The following GPHN variants were observed in gnomAD, a reference collection of about 807,000 sequenced individuals.
GPHN encodes the protein gephyrin.
In GPHN, 17 loss-of-function variants were observed where a neutral mutation model predicts 95.5. The ratio of observed to expected loss-of-function variants is 0.18; its 90% CI spans 0.12 to 0.27. GPHN has a LOEUF of 0.27. Ranked by LOEUF, GPHN falls within the 10% of genes least tolerant of loss-of-function variation. GPHN has a pLI of 1.00. For missense variants in GPHN, 660 were observed against 978.1 expected (o/e 0.67, Z 4.34); for synonymous variants, 320 against 322.5 (o/e 0.99, Z 0.08).
the GPHN span, chr14:67,338,596 T>G: frequency 6.2e-7 from 1 of 1,605,082 alleles, no homozygotes; most frequent in Non-Finnish European, 8.5e-7. Flanking sequence ...TGTTAGGGTT[T>G]CTCAAAGAAC....
the GPHN span, among the ~76,000 whole-genome samples, chr14:67,724,284 T>C: frequency 6.6e-6 from 1 of 152,288 alleles, no homozygotes; most frequent in East Asian, 1.9e-4. Flanking sequence ...CCTGCACCGA[T>C]AAACAGGCGA....
At chr14:66,567,278 G>T (rs756858593) in intron 1 of GPHN, among the ~76,000 whole-genome samples, 1 of 152,146 alleles carries the variant, frequency 6.6e-6, no homozygotes, top group African/African-American at 2.4e-5. Flanking sequence ...TTTTAGCAGC[G>T]TAGGGGACTT....
At chr14:67,145,268 T>C (rs1334716030) in intron 18 of GPHN, among the ~76,000 whole-genome samples, 3 of 152,222 alleles carry the variant, frequency 2.0e-5, no homozygotes, top group African/African-American at 7.2e-5. Flanking sequence ...CGTTTATCTT[T>C]TCTAGTACTC....
intron 9 of GPHN, among the ~76,000 whole-genome samples, chr14:67,003,778 T>G (rs1358546623): frequency 6.6e-6 from 1 of 151,752 alleles, no homozygotes; most frequent in Non-Finnish European, 1.5e-5. Context: ...ATGATGATAT[T>G]TCTGAATGAT....
chr14:66,555,962 C>T (rs1038630808), intron 1 of GPHN, among the ~76,000 whole-genome samples: 1 of 152,080 alleles, frequency 6.6e-6, no homozygotes, highest in African/African-American at 2.4e-5. Context: ...ATAGAATGTA[C>T]TTACACAAAC....
At chr14:66,592,794 A>G (rs923939350) in intron 1 of GPHN, among the ~76,000 whole-genome samples, 14 of 152,228 alleles carry the variant, frequency 9.2e-5, no homozygotes, top group African/African-American at 3.1e-4. Flanking sequence ...CAGTCCCATT[A>G]CTGGGTATAT....
At chr14:67,041,556 T>A (rs2074706636) in intron 10 of GPHN, among the ~76,000 whole-genome samples, 1 of 152,198 alleles carries the variant, frequency 6.6e-6, no homozygotes, top group Non-Finnish European at 1.5e-5. Context: ...CTCATCCATT[T>A]TTATGGCTGT....
chr14:67,509,550 C>T, the GPHN span, among the ~76,000 whole-genome samples: 1 of 152,160 alleles, frequency 6.6e-6, no homozygotes, highest in African/African-American at 2.4e-5. Flanking sequence ...AACTCCTGAC[C>T]TCAGGTGATC....
intron 11 of GPHN, among the ~76,000 whole-genome samples, chr14:67,077,300 A>T (rs1156340221): frequency 6.6e-6 from 1 of 152,152 alleles, no homozygotes; most frequent in African/African-American, 2.4e-5. Flanking sequence ...GTGTTAGATG[A>T]TTCTGCCCAA....
chr14:66,541,476 G>A (rs1290736348), intron 1 of GPHN, among the ~76,000 whole-genome samples: 1 of 152,164 alleles, frequency 6.6e-6, no homozygotes, highest in Non-Finnish European at 1.5e-5. Context: ...GGGTTAACTA[G>A]ACTCCCTGTT....
chr14:66,746,299 A>G (rs1351545108), intron 2 of GPHN, among the ~76,000 whole-genome samples: 2 of 152,238 alleles, frequency 1.3e-5, no homozygotes, highest in South Asian at 4.1e-4. Context: ...GGCTCAATCA[A>G]TTGTCTTATC....
At chr14:67,100,833 C>T (rs764452920) in intron 12 of GPHN, 23 bp from the exon 13 acceptor site, 2 of 1,555,090 alleles carry the variant, frequency 1.3e-6, no homozygotes, top group Non-Finnish European at 1.8e-6. Flanking sequence ...GATGTTTGTT[C>T]TTGGCTCTGT....
At chr14:67,124,637 A>G (rs771556578) in intron 17 of GPHN, among the ~76,000 whole-genome samples, 8 of 152,200 alleles carry the variant, frequency 5.3e-5, no homozygotes, top group Non-Finnish European at 8.8e-5. Flanking sequence ...TTGAAACTTC[A>G]TGGAACAAAC....
the GPHN span, among the ~76,000 whole-genome samples, chr14:67,718,928 G>A: frequency 2.6e-5 from 4 of 152,162 alleles, no homozygotes; most frequent in African/African-American, 7.2e-5. Context: ...AAAATGATAC[G>A]GTTTTCAACA....
the GPHN span, chr14:67,590,072 G>A: frequency 2.4e-5 from 37 of 1,548,890 alleles, no homozygotes; most frequent in Non-Finnish European, 3.0e-5. Flanking sequence ...CCTTCTGAAC[G>A]CTGGGGCTCA....
At chr14:67,691,197 ACAT>A in the GPHN span, 1 of 1,614,108 alleles carries the variant, frequency 6.2e-7, no homozygotes, top group South Asian at 1.1e-5. Context: ...GAGTACGGAC[ACAT>A]CATCACTCCT....
At chr14:66,617,462 C>T (rs1369494752) in intron 1 of GPHN, among the ~76,000 whole-genome samples, 3 of 152,164 alleles carry the variant, frequency 2.0e-5, no homozygotes, top group African/African-American at 7.2e-5. Flanking sequence ...GGAGGGTGTT[C>T]CCCTGCCCCT....
intron 3 of GPHN, among the ~76,000 whole-genome samples, chr14:66,790,337 A>G (rs1163356419): frequency 6.6e-6 from 1 of 152,214 alleles, no homozygotes; most frequent in Non-Finnish European, 1.5e-5. Flanking sequence ...GGAAGTACTC[A>G]TTACCTAGGC....
At chr14:67,302,647 A>G in the GPHN span, 1 of 1,140,668 alleles carries the variant, frequency 8.8e-7, no homozygotes, top group Non-Finnish European at 1.2e-6. Flanking sequence ...AAATATTTTT[A>G]AAATAACTGT....
Sources: allele counts gnomAD v4.1 joint callset (sites outside exome capture counted in the v4.1 genomes callset), GRCh38; gene constraint gnomAD v4.1.1; transcripts MANE v1.5; gene names NCBI Gene and HGNC (gene_info 2026-07-23, HGNC 2026-07-21).